MKLN1: variants seen among roughly 807,000 people sequenced by gnomAD.
MKLN1 encodes muskelin.
Under a neutral mutation model 99.0 loss-of-function variants are expected in MKLN1, and 18 were observed. The observed-to-expected ratio is 0.18, with a 90% confidence interval of 0.13 to 0.27. The LOEUF (loss-of-function observed/expected upper bound fraction) is 0.27. Among genes scored for constraint, MKLN1 ranks in the 10% least tolerant of loss-of-function variants. The pLI, the probability that MKLN1 is intolerant of heterozygous loss-of-function variation, is 1.00. For synonymous variants in MKLN1, 288 were observed against 293.2 expected (o/e 0.98, Z 0.18); for missense variants, 621 against 875.9 (o/e 0.71, Z 3.67).
intron 15 of MKLN1, among the ~76,000 whole-genome samples, chr7:131,466,933 G>A (rs529636405): frequency 3.9e-5 from 6 of 151,920 alleles, no homozygotes; most frequent in East Asian, 3.9e-4. Context: ...ACGCGCGCGC[G>A]CGCACACACG....
chr7:131,227,463 C>CT (rs1797167402), intron 3 of MKLN1, among the ~76,000 whole-genome samples: 1 of 139,574 alleles, frequency 7.2e-6, no homozygotes, highest in African/African-American at 2.7e-5. Context: ...TTCTTTGTTT[C>CT]TTTCTTTCTT....
intron 1 of MKLN1, among the ~76,000 whole-genome samples, chr7:131,118,225 G>A (rs1450645427): frequency 2.0e-5 from 3 of 152,076 alleles, no homozygotes; most frequent in African/African-American, 7.2e-5. Context: ...ATGATTGAAA[G>A]CTCCTGTAAT....
intron 3 of MKLN1, among the ~76,000 whole-genome samples, chr7:131,248,078 T>A (rs900098898): frequency 1.5e-5 from 2 of 135,062 alleles, no homozygotes; most frequent in African/African-American, 6.0e-5. Context: ...ACATTTATTA[T>A]TTATTTATTT....
intron 3 of MKLN1, among the ~76,000 whole-genome samples, chr7:131,231,583 G>A (rs575283208): frequency 4.6e-5 from 7 of 152,186 alleles, no homozygotes; most frequent in South Asian, 4.1e-4. Context: ...GGATGGATGC[G>A]TTGAGGCTGG....
chr7:131,179,572 A>ATTATTATTC (rs1796349489), intron 2 of MKLN1, among the ~76,000 whole-genome samples: 1 of 151,362 alleles, frequency 6.6e-6, no homozygotes. Context: ...TATTATTATT[A>ATTATTATTC]TTATTTTGTT....
intron 3 of MKLN1, among the ~76,000 whole-genome samples, chr7:131,256,538 G>A (rs1797660802): frequency 6.6e-6 from 1 of 152,234 alleles, no homozygotes; most frequent in South Asian, 2.1e-4. Context: ...AGCTACATTA[G>A]AGTAAGAAAT....
chr7:131,387,490 A>G (rs1046064676), intron 3 of MKLN1, among the ~76,000 whole-genome samples: 1 of 152,184 alleles, frequency 6.6e-6, no homozygotes, highest in African/African-American at 2.4e-5. Context: ...AGAAGAAACA[A>G]ACTTTTTTGT....
At chr7:131,121,272 C>T (rs1251082193) in intron 1 of MKLN1, among the ~76,000 whole-genome samples, 1 of 152,110 alleles carries the variant, frequency 6.6e-6, no homozygotes, top group Non-Finnish European at 1.5e-5. Context: ...CAGGTCCCTC[C>T]CCCAACATTG....
chr7:131,445,363 A>G (rs969645536), intron 11 of MKLN1, among the ~76,000 whole-genome samples: 1 of 152,160 alleles, frequency 6.6e-6, no homozygotes, highest in African/African-American at 2.4e-5. Flanking sequence ...GTCTTTTATT[A>G]GGTTTTGGTT....
intron 2 of MKLN1, among the ~76,000 whole-genome samples, chr7:131,155,629 C>G (rs2116297729): frequency 6.6e-6 from 1 of 151,948 alleles, no homozygotes; most frequent in African/African-American, 2.4e-5. Context: ...ACAACTGAAC[C>G]ATGATTATGA....
intron 3 of MKLN1, among the ~76,000 whole-genome samples, chr7:131,236,413 C>A (rs1279304976): frequency 6.6e-6 from 1 of 152,164 alleles, no homozygotes; most frequent in South Asian, 2.1e-4. Context: ...GTAATCTCAG[C>A]ACTTTGGAAG....
At chr7:131,347,762 T>C (rs1039140975) in intron 1 of MKLN1, among the ~76,000 whole-genome samples, 1 of 152,216 alleles carries the variant, frequency 6.6e-6, no homozygotes, top group African/African-American at 2.4e-5. Context: ...TATCTGAAGT[T>C]TTCTTTTGGT....
At chr7:131,355,776 T>C (rs923203421) in intron 1 of MKLN1, among the ~76,000 whole-genome samples, 3 of 151,278 alleles carry the variant, frequency 2.0e-5, no homozygotes, top group Non-Finnish European at 4.4e-5. Context: ...TCCTCCTGTC[T>C]CAGCCTCCCA....
intron 1 of MKLN1, among the ~76,000 whole-genome samples, chr7:131,354,215 G>T (rs1352558846): frequency 6.6e-6 from 1 of 152,038 alleles, no homozygotes; most frequent in Non-Finnish European, 1.5e-5. Context: ...GTCATTTTGG[G>T]AGAATTGCCA....
intron 3 of MKLN1, among the ~76,000 whole-genome samples, chr7:131,222,414 C>T (rs778713788): frequency 6.6e-6 from 1 of 152,196 alleles, no homozygotes; most frequent in African/African-American, 2.4e-5. Context: ...GTATTAGCAT[C>T]TTTAATACCC....
intron 2 of MKLN1, among the ~76,000 whole-genome samples, chr7:131,164,907 A>G (rs1418602108): frequency 1.3e-5 from 2 of 152,236 alleles, no homozygotes; most frequent in Non-Finnish European, 2.9e-5. Flanking sequence ...CAAGGCATTG[A>G]AATAAGTGCT....
chr7:131,417,803 A>C (rs1484577961), intron 8 of MKLN1, among the ~76,000 whole-genome samples: 1 of 152,244 alleles, frequency 6.6e-6, no homozygotes, highest in Non-Finnish European at 1.5e-5. Context: ...GAAGACTAGA[A>C]GGACACATAC....
chr7:131,117,598 C>T (rs1018014151), intron 1 of MKLN1, among the ~76,000 whole-genome samples: 1 of 152,098 alleles, frequency 6.6e-6, no homozygotes, highest in African/African-American at 2.4e-5. Context: ...TGAAGAACAA[C>T]GTGTATTTTG....
intron 7 of MKLN1, among the ~76,000 whole-genome samples, chr7:131,414,029 T>C (rs1794948778): frequency 6.6e-6 from 1 of 152,148 alleles, no homozygotes; most frequent in African/African-American, 2.4e-5. Flanking sequence ...CATAAAATAG[T>C]TGGTAAATTA....
Sources: gnomAD v4.1 joint callset for allele counts (sites outside exome capture counted in the v4.1 genomes callset) on GRCh38, gnomAD v4.1.1 for gene constraint, MANE v1.5 for transcripts, NCBI Gene and HGNC (gene_info 2026-07-23, HGNC 2026-07-21) for gene names.